GMDS: variants seen among roughly 807,000 people sequenced by gnomAD.
The protein encoded by GMDS is GDP-mannose 4,6-dehydratase, also known as GDP-mannose 4,6 dehydratase.
Under a neutral mutation model 49.9 loss-of-function variants are expected in GMDS, and 20 were observed. The observed-to-expected ratio is 0.40, with a 90% CI of 0.28 to 0.58. The LOEUF is 0.58. GMDS is among the 20% of genes least tolerant of loss of function. GMDS has a pLI of 0.42. For synonymous variants in GMDS, 177 were observed against 178.6 expected (o/e 0.99, Z 0.07); for missense variants, 362 against 481.4 (o/e 0.75, Z 2.32).
intron 7 of GMDS, among the ~76,000 whole-genome samples, chr6:1,855,098 TAGAG>T (rs1364910956): frequency 3.9e-5 from 6 of 152,240 alleles, no homozygotes; most frequent in African/African-American, 7.2e-5. Flanking sequence ...CTATGACAAA[TAGAG>T]AGAGCTAACT....
chr6:1,719,858 A>G (rs1766312016), intron 9 of GMDS, among the ~76,000 whole-genome samples: 2 of 152,222 alleles, frequency 1.3e-5, no homozygotes, highest in Admixed American at 6.5e-5. Context: ...TTAAGACGAT[A>G]AAAAGATTTT....
At chr6:2,071,938 A>G (rs1772030602) in intron 4 of GMDS, among the ~76,000 whole-genome samples, 1 of 152,210 alleles carries the variant, frequency 6.6e-6, no homozygotes, top group Non-Finnish European at 1.5e-5. Context: ...CACTTTGATT[A>G]AAGCAACGAA....
intron 4 of GMDS, among the ~76,000 whole-genome samples, chr6:2,009,059 T>A (rs1319075373): frequency 1.3e-5 from 2 of 152,222 alleles, no homozygotes; most frequent in Admixed American, 1.3e-4. Flanking sequence ...TCCAATGAGC[T>A]AGGTATTTTT....
chr6:2,009,491 C>A (rs1242059324), intron 4 of GMDS, among the ~76,000 whole-genome samples: 1 of 152,130 alleles, frequency 6.6e-6, no homozygotes, highest in Non-Finnish European at 1.5e-5. Context: ...CCAAGATTCC[C>A]AGCTGGGAAC....
At chr6:1,822,752 G>A (rs146290016) in intron 7 of GMDS, among the ~76,000 whole-genome samples, 1 of 152,268 alleles carries the variant, frequency 6.6e-6, no homozygotes, top group East Asian at 1.9e-4. Context: ...GAGATGCTAA[G>A]TCAGGTTACA....
intron 1 of GMDS, among the ~76,000 whole-genome samples, chr6:2,172,390 A>G (rs945047955): frequency 1.3e-5 from 2 of 152,170 alleles, no homozygotes; most frequent in Non-Finnish European, 2.9e-5. Flanking sequence ...ATTACACTGA[A>G]AGATTAAAAA....
chr6:1,818,053 A>G (rs1770740996), intron 7 of GMDS, among the ~76,000 whole-genome samples: 1 of 152,160 alleles, frequency 6.6e-6, no homozygotes, highest in South Asian at 2.1e-4. Context: ...CCACCTGAAA[A>G]CTATAGAAAG....
At chr6:2,023,291 G>A (rs976359086) in intron 4 of GMDS, among the ~76,000 whole-genome samples, 11 of 152,154 alleles carry the variant, frequency 7.2e-5, no homozygotes, top group Non-Finnish European at 1.2e-4. Flanking sequence ...ACATATACTC[G>A]AACCTCTTTC....
At chr6:1,820,203 CTGCTACTCATG>C (rs1254447879) in intron 7 of GMDS, among the ~76,000 whole-genome samples, 1 of 152,028 alleles carries the variant, frequency 6.6e-6, no homozygotes, top group Admixed American at 6.5e-5. Context: ...GGGTAGTTAG[CTGCTACTCATG>C]TGTTACTGAA....
intron 7 of GMDS, among the ~76,000 whole-genome samples, chr6:1,866,913 T>C (rs1758468618): frequency 6.6e-6 from 1 of 152,270 alleles, no homozygotes; most frequent in African/African-American, 2.4e-5. Context: ...GCTCACTGGA[T>C]GATAACAACA....
intron 1 of GMDS, among the ~76,000 whole-genome samples, chr6:2,173,635 T>C (rs1778129641): frequency 6.6e-6 from 1 of 152,212 alleles, no homozygotes; most frequent in South Asian, 2.1e-4. Context: ...TCTACATCAA[T>C]GATACAGGAA....
intron 7 of GMDS, among the ~76,000 whole-genome samples, chr6:1,822,607 A>C (rs1043123241): frequency 9.2e-5 from 14 of 152,236 alleles, no homozygotes; most frequent in African/African-American, 3.4e-4. Flanking sequence ...ATTCCAATAG[A>C]TGACAAAGAT....
chr6:1,718,246 A>G (rs1234173674), intron 9 of GMDS, among the ~76,000 whole-genome samples: 2 of 151,914 alleles, frequency 1.3e-5, no homozygotes, highest in East Asian at 3.9e-4. Flanking sequence ...TTTTCTCTAC[A>G]CTAGGCCTCC....
At chr6:2,205,141 T>C (rs1350074225) in intron 1 of GMDS, among the ~76,000 whole-genome samples, 1 of 152,228 alleles carries the variant, frequency 6.6e-6, no homozygotes, top group Non-Finnish European at 1.5e-5. Flanking sequence ...CAAAGGTGGA[T>C]GTTAATAACA....
chr6:2,161,662 A>C (rs923516163), intron 1 of GMDS, among the ~76,000 whole-genome samples: 1 of 152,228 alleles, frequency 6.6e-6, no homozygotes, highest in Non-Finnish European at 1.5e-5. Flanking sequence ...CCCCACTGTG[A>C]CCTTCAAACC....
chr6:2,041,493 T>C (rs186292861), intron 4 of GMDS, among the ~76,000 whole-genome samples: 1 of 152,348 alleles, frequency 6.6e-6, no homozygotes, highest in African/African-American at 2.4e-5. Flanking sequence ...CAAGGCCATT[T>C]TGACTGGGCT....
chr6:2,073,142 G>A (rs1042345506), intron 4 of GMDS, among the ~76,000 whole-genome samples: 15 of 152,156 alleles, frequency 9.9e-5, no homozygotes, highest in Admixed American at 2.0e-4. Context: ...TGCCCGCACC[G>A]CTTTGTGCCG....
chr6:1,643,469 A>C (rs941488566), intron 9 of GMDS, among the ~76,000 whole-genome samples: 5 of 152,172 alleles, frequency 3.3e-5, no homozygotes, highest in Non-Finnish European at 7.4e-5. Flanking sequence ...CCATGGCATA[A>C]ATGAGGCAAG....
intron 7 of GMDS, among the ~76,000 whole-genome samples, chr6:1,754,928 A>G (rs1254494026): frequency 6.6e-6 from 1 of 152,254 alleles, no homozygotes; most frequent in Admixed American, 6.5e-5. Context: ...CCCACAGCCA[A>G]TATCATACTG....
Sources: gnomAD v4.1 joint callset for allele counts (sites outside exome capture counted in the v4.1 genomes callset) on GRCh38, gnomAD v4.1.1 for gene constraint, MANE v1.5 for transcripts, NCBI Gene and HGNC (gene_info 2026-07-23, HGNC 2026-07-21) for gene names.